The following CPA6 variants were observed in gnomAD, a reference collection of about 807,000 sequenced individuals.
The protein encoded by CPA6 is carboxypeptidase A6.
CPA6 carries 58 observed loss-of-function variants against 63.3 expected under a neutral mutation model. The ratio of observed to expected loss-of-function variants is 0.92; its 90% CI spans 0.74 to 1.14. The LOEUF (loss-of-function observed/expected upper bound fraction) is 1.14, where lower values mean the gene tolerates loss of function less well. Ranked by LOEUF, CPA6 falls within the 50% of genes most tolerant of loss-of-function variation. The pLI, the probability that CPA6 is intolerant of heterozygous loss-of-function variation, is 0.00. For synonymous variants in CPA6, 185 were observed against 179.0 expected, an observed-to-expected ratio of 1.03 and a Z score of -0.27; for missense variants, 565 against 526.6, an observed-to-expected ratio of 1.07 and a Z score of -0.71.
chr8:67,632,714 A>G (rs1424195964), intron 1 of CPA6, among the ~76,000 whole-genome samples: 1 of 152,202 alleles, frequency 6.6e-6, no homozygotes, highest in Non-Finnish European at 1.5e-5. Context: ...AGAATGTTAA[A>G]AAATATATGA....
At chr8:67,624,086 A>G in intron 2 of CPA6, 90 bp downstream of exon 2, 1 of 747,322 alleles carries the variant, frequency 1.3e-6, no homozygotes, top group Admixed American at 2.4e-5. Context: ...TTCTTGGCTA[A>G]TAAATTCCAA....
At chr8:67,533,550 T>C (rs1478233358) in intron 2 of CPA6, among the ~76,000 whole-genome samples, 1 of 152,218 alleles carries the variant, frequency 6.6e-6, no homozygotes, top group African/African-American at 2.4e-5. Flanking sequence ...TCCCAGTTGC[T>C]ATAGTATCCA....
chr8:67,521,425 A>G (rs1344512676), intron 2 of CPA6, among the ~76,000 whole-genome samples: 1 of 152,242 alleles, frequency 6.6e-6, no homozygotes, highest in Non-Finnish European at 1.5e-5. Context: ...TGTACTGTGA[A>G]GATAATCTTA....
chr8:67,609,796 T>C (rs1587630713), intron 2 of CPA6, among the ~76,000 whole-genome samples: 1 of 151,950 alleles, frequency 6.6e-6, no homozygotes, highest in Non-Finnish European at 1.5e-5. Flanking sequence ...CCAAGGCAGG[T>C]GGATCACTTG....
At chr8:67,598,432 C>G (rs971154824) in intron 2 of CPA6, among the ~76,000 whole-genome samples, 26 of 152,202 alleles carry the variant, frequency 1.7e-4, no homozygotes, top group African/African-American at 6.0e-4. Flanking sequence ...TATTCTAGAT[C>G]ATAATATTAA....
intron 2 of CPA6, among the ~76,000 whole-genome samples, chr8:67,576,186 G>A (rs7815224): frequency 0.068 from 10,378 of 152,094 alleles, 641 homozygotes; most frequent in African/African-American, 0.16. Flanking sequence ...AATGTCAAAT[G>A]TTCTCATCAC....
At chr8:67,717,683 T>C (rs1817408229) in intron 1 of CPA6, among the ~76,000 whole-genome samples, 2 of 152,184 alleles carry the variant, frequency 1.3e-5, no homozygotes, top group Non-Finnish European at 2.9e-5. Flanking sequence ...AATATTACCT[T>C]ATGTGGCAAA....
At chr8:67,476,077 C>T (rs150988157) in intron 8 of CPA6, among the ~76,000 whole-genome samples, 73 of 150,566 alleles carry the variant, frequency 4.8e-4, no homozygotes, top group African/African-American at 1.7e-3. Flanking sequence ...TGCAGTGGTG[C>T]GATCTTGGCT....
chr8:67,608,509 T>C (rs771500179), intron 2 of CPA6, among the ~76,000 whole-genome samples: 30 of 152,140 alleles, frequency 2.0e-4, no homozygotes, highest in Admixed American at 3.9e-4. Context: ...GAGAGCCACC[T>C]CCATCACTCA....
chr8:67,700,299 T>TA (rs1380625695), intron 1 of CPA6, among the ~76,000 whole-genome samples: 1 of 152,344 alleles, frequency 6.6e-6, no homozygotes, highest in East Asian at 1.9e-4. Flanking sequence ...GTTTTATACA[T>TA]ACTAAGGAGT....
intron 2 of CPA6, among the ~76,000 whole-genome samples, chr8:67,610,188 A>C (rs1274700647): frequency 6.6e-6 from 1 of 152,164 alleles, no homozygotes. Context: ...CAACCTGGGC[A>C]ACATGGAAAG....
intron 1 of CPA6, among the ~76,000 whole-genome samples, chr8:67,706,600 T>G (rs1185086111): frequency 6.6e-6 from 1 of 152,184 alleles, no homozygotes; most frequent in Non-Finnish European, 1.5e-5. Flanking sequence ...AATTAATTTG[T>G]AAAACAAATT....
At chr8:67,455,678 A>G (rs1033259648) in intron 8 of CPA6, among the ~76,000 whole-genome samples, 1 of 149,060 alleles carries the variant, frequency 6.7e-6, no homozygotes, top group Admixed American at 6.7e-5. Flanking sequence ...AAAAAAAAAA[A>G]AAAAAAAAAA....
intron 1 of CPA6, among the ~76,000 whole-genome samples, chr8:67,722,170 A>T (rs553456628): frequency 6.6e-6 from 1 of 152,272 alleles, no homozygotes; most frequent in African/African-American, 2.4e-5. Context: ...AACTCTGTTA[A>T]ATTTGTCTAA....
Position 67,511,561 on chromosome 8 carries a change from C to T in CPA6, c.412G>A (p.Val138Ile), listed in dbSNP as rs1173785185. The change falls in exon 4 of 11, where the codon GTT (valine) becomes ATT (isoleucine). Residue 138 changes from valine (V) to isoleucine (I), a missense_variant. Physicochemically the swap from Val to Ile is conservative, Grantham distance 29 (BLOSUM62 3). Transcript: ENST00000297770. ...CATACTTCTTCTAAGGAGTGATAAA[C>T]TTCATAATTATATCCAGAGAGGGAT... Reference protein sequence around the residue: ...RRSLSGYNYEVYHSLEEIQNW... With the variant: ...RRSLSGYNYEIYHSLEEIQNW... The T allele has an allele frequency of 1.2e-6, 2 of 1,600,642 alleles. No homozygotes were observed. Among genetic ancestry groups the T allele is most frequent in the Non-Finnish European group, 1.7e-6 (2 of 1,167,962 alleles).
At chr8:67,569,937 G>A (rs1813443170) in intron 2 of CPA6, 1 of 157,752 alleles carries the variant, frequency 6.3e-6, no homozygotes, top group Non-Finnish European at 1.4e-5. Context: ...TGATGAAACA[G>A]GTGAGGAACT....
intron 1 of CPA6, among the ~76,000 whole-genome samples, chr8:67,708,985 C>T (rs890843907): frequency 1.1e-4 from 16 of 152,134 alleles, no homozygotes; most frequent in Admixed American, 2.0e-4. Flanking sequence ...AGTTAGAAAA[C>T]ACCTGAATCT....
At chr8:67,627,880 A>G (rs1001289427) in intron 1 of CPA6, among the ~76,000 whole-genome samples, 1 of 152,230 alleles carries the variant, frequency 6.6e-6, no homozygotes, top group Non-Finnish European at 1.5e-5. Context: ...AAATGTAATC[A>G]GTTCAAAAAC....
chr8:67,663,538 A>G (rs914877020), intron 1 of CPA6, among the ~76,000 whole-genome samples: 3 of 151,866 alleles, frequency 2.0e-5, no homozygotes, highest in African/African-American at 7.3e-5. Context: ...CCACTCCCCA[A>G]CAGGCCCCAT....
Sources: allele counts gnomAD v4.1 joint callset (sites outside exome capture counted in the v4.1 genomes callset), GRCh38; gene constraint gnomAD v4.1.1; transcripts MANE v1.5; gene names NCBI Gene and HGNC (gene_info 2026-07-23, HGNC 2026-07-21).